The following COL24A1 variants were observed in gnomAD, a reference collection of about 807,000 sequenced individuals.
The protein encoded by COL24A1 is collagen alpha-1(XXIV) chain.
In COL24A1, 224 loss-of-function variants were observed where a neutral mutation model predicts 253.9. The observed-to-expected ratio is 0.88, with a 90% CI of 0.79 to 0.99. COL24A1 has a LOEUF of 0.99. COL24A1 is among the 50% of genes least tolerant of loss of function. The pLI is 0.00. For synonymous variants in COL24A1, 685 were observed against 673.7 expected (o/e 1.02, Z -0.26); for missense variants, 2,131 against 2,068.5 (o/e 1.03, Z -0.59).
intron 17 of COL24A1, 90 bp from the exon 18 acceptor site, chr1:86,022,383 G>A (rs192049470): frequency 1.4e-6 from 2 of 1,422,758 alleles, no homozygotes; most frequent in East Asian, 4.6e-5. Context: ...ATTTCATAAA[G>A]TATGCTAAAA....
chr1:85,993,628 T>C (rs1361156739), intron 19 of COL24A1, among the ~76,000 whole-genome samples: 1 of 152,078 alleles, frequency 6.6e-6, no homozygotes, highest in Non-Finnish European at 1.5e-5. Context: ...ATATGTTCAT[T>C]ATCTTGATCT....
At position 85,758,771 on chromosome 1, in the gene COL24A1, C is replaced by T. The variant is rs960743689; in HGVS notation, c.4437+2625G>A. ...TACATATATTCAACCTTAAAAAGTTCTGTAAAACCATATTTATTCTTACTG... is the reference window on the plus strand; with the variant it reads ...TACATATATTCAACCTTAAAAAGTTTTGTAAAACCATATTTATTCTTACTG... On this transcript the variant is annotated intron_variant, in intron 55 of 59. Transcript: ENST00000370571. Among the ~76,000 whole-genome samples the T allele has an allele frequency of 3.3e-5, 5 of 152,076 alleles. No homozygotes were observed. The East Asian group carries it at 9.6e-4, about 29-fold the overall frequency.
intron 24 of COL24A1, among the ~76,000 whole-genome samples, chr1:85,911,743 C>T (rs1052993837): frequency 5.9e-5 from 9 of 152,070 alleles, no homozygotes; most frequent in Admixed American, 2.0e-4. Context: ...AAACCCCTGA[C>T]GTTTTCATAC....
intron 19 of COL24A1, among the ~76,000 whole-genome samples, chr1:85,989,631 C>T (rs984946290): frequency 6.6e-6 from 1 of 152,154 alleles, no homozygotes; most frequent in African/African-American, 2.4e-5. Context: ...TTCTTTAATA[C>T]ACAGTTTACA....
At chr1:85,757,006 G>A (rs924759861) in intron 55 of COL24A1, among the ~76,000 whole-genome samples, 1 of 152,152 alleles carries the variant, frequency 6.6e-6, no homozygotes, top group Non-Finnish European at 1.5e-5. Context: ...TAGAGTAGTC[G>A]AATTCATAGA....
At chr1:86,017,786 T>G (rs1428126882) in intron 18 of COL24A1, among the ~76,000 whole-genome samples, 5 of 152,248 alleles carry the variant, frequency 3.3e-5, no homozygotes, top group African/African-American at 1.2e-4. Context: ...GCACAATGTC[T>G]GACATATGAA....
At chr1:85,827,997 C>G (rs1475747317) in intron 43 of COL24A1, among the ~76,000 whole-genome samples, 1 of 152,086 alleles carries the variant, frequency 6.6e-6, no homozygotes, top group East Asian at 1.9e-4. Context: ...TTTTCTAGTT[C>G]TTTTAATTGT....
intron 1 of COL24A1, among the ~76,000 whole-genome samples, chr1:86,152,494 A>G (rs1392281394): frequency 1.3e-5 from 2 of 152,168 alleles, no homozygotes; most frequent in Non-Finnish European, 2.9e-5. Flanking sequence ...AAGATATCTC[A>G]TTATATATAT....
At chr1:85,828,470 G>A (rs971112726) in intron 43 of COL24A1, among the ~76,000 whole-genome samples, 2 of 150,932 alleles carry the variant, frequency 1.3e-5, no homozygotes, top group African/African-American at 4.9e-5. Flanking sequence ...TGAATTCCTG[G>A]GTATCCTTGT....
chr1:86,038,948 T>C (rs1699243589), intron 12 of COL24A1, among the ~76,000 whole-genome samples: 2 of 152,172 alleles, frequency 1.3e-5, no homozygotes, highest in South Asian at 4.1e-4. Context: ...CACTACCAAA[T>C]TCCTGACCCA....
At chr1:85,926,166 C>T (rs542002210) in intron 24 of COL24A1, among the ~76,000 whole-genome samples, 1 of 152,274 alleles carries the variant, frequency 6.6e-6, no homozygotes, top group African/African-American at 2.4e-5. Context: ...ATTAAAAAGT[C>T]AGGAAACAAC....
intron 22 of COL24A1, 135 bp from the exon 23 acceptor site, chr1:85,965,197 C>T (rs1341979697): frequency 1.5e-6 from 1 of 663,648 alleles, no homozygotes; most frequent in African/African-American, 1.8e-5. Flanking sequence ...AAATGTATTT[C>T]ATCATACTCA....
At chr1:86,113,627 A>C (rs1705825706) in intron 4 of COL24A1, among the ~76,000 whole-genome samples, 1 of 151,988 alleles carries the variant, frequency 6.6e-6, no homozygotes, top group Non-Finnish European at 1.5e-5. Context: ...TGAGCTCAGG[A>C]GTTTGAGACC....
chr1:85,920,921 A>C (rs1408556470), intron 24 of COL24A1, among the ~76,000 whole-genome samples: 1 of 145,064 alleles, frequency 6.9e-6, no homozygotes, highest in Non-Finnish European at 1.5e-5. Flanking sequence ...CATTGGAGGC[A>C]AGAGGTAGAA....
chr1:86,057,978 G>A lies in COL24A1; in HGVS notation c.1807-3C>T. ...TTACCTTCTGGTCCAGCTAAACCCTGGTGTAAACAAAAGACATTGTCATCA... is the reference window on the plus strand; with the variant it reads ...TTACCTTCTGGTCCAGCTAAACCCTAGTGTAAACAAAAGACATTGTCATCA... On this transcript the variant is annotated splice_polypyrimidine_tract_variant and splice_region_variant and intron_variant, in intron 9 of 59. Coordinates refer to ENST00000370571, the MANE Select transcript of COL24A1 (RefSeq NM_152890.7). The A allele has an allele frequency of 6.2e-7, 1 of 1,611,454 alleles. No homozygotes were observed. Among genetic ancestry groups the A allele is most frequent in the Non-Finnish European group, 8.5e-7 (1 of 1,178,644 alleles).
At chr1:85,898,480 T>C (rs772593417) in intron 28 of COL24A1, among the ~76,000 whole-genome samples, 1 of 152,202 alleles carries the variant, frequency 6.6e-6, no homozygotes, top group Non-Finnish European at 1.5e-5. Context: ...TTTCTAAGTC[T>C]ATATTCAAGG....
chr1:85,923,514 A>T (rs182784551), intron 24 of COL24A1, among the ~76,000 whole-genome samples: 64 of 152,314 alleles, frequency 4.2e-4, no homozygotes, highest in African/African-American at 1.3e-3. Context: ...GGATTAAGAA[A>T]CTCACTCAAA....
chr1:86,032,699 A>T (rs1698674573), intron 13 of COL24A1, among the ~76,000 whole-genome samples: 1 of 152,162 alleles, frequency 6.6e-6, no homozygotes, highest in Admixed American at 6.6e-5. Context: ...AGAATATACT[A>T]TAGAGAATTA....
chr1:86,118,442 A>T (rs567292668), intron 3 of COL24A1, among the ~76,000 whole-genome samples: 1 of 152,344 alleles, frequency 6.6e-6, no homozygotes, highest in African/African-American at 2.4e-5. Flanking sequence ...AGGATAATAT[A>T]TACATTAAGG....
Sources: gnomAD v4.1 joint callset for allele counts (sites outside exome capture counted in the v4.1 genomes callset) on GRCh38, gnomAD v4.1.1 for gene constraint, MANE v1.5 for transcripts, NCBI Gene and HGNC (gene_info 2026-07-23, HGNC 2026-07-21) for gene names.